HGS: variants seen among roughly 807,000 people sequenced by gnomAD.
HGS encodes the protein hepatocyte growth factor-regulated tyrosine kinase substrate.
HGS carries 63 observed loss-of-function variants against 109.7 expected under a neutral mutation model. That is an observed-to-expected ratio of 0.57 (90% CI 0.47 to 0.71). The LOEUF (loss-of-function observed/expected upper bound fraction) is 0.71, where lower values mean the gene tolerates loss of function less well. HGS is among the 30% of genes least tolerant of loss of function. HGS has a pLI of 0.00. For missense variants in HGS, 995 were observed against 1,068.3 expected (o/e 0.93, Z 0.96); for synonymous variants, 546 against 437.3 (o/e 1.25, Z -3.10).
In HGS at chr17:81,687,106, CGGG is replaced by C. The variant is rs778622563; in HGVS notation, c.291+14_291+16del. On this transcript the variant is annotated intron_variant, in intron 4 of 21. Transcript: ENST00000329138. Reference sequence around the variant, plus strand: ...AAGGACCTGCTGAAGGTGGGTGAGACGGGGGCATGCGGGTGGCCACCCAGGCTG... The same window carrying C: ...AAGGACCTGCTGAAGGTGGGTGAGACGGCATGCGGGTGGCCACCCAGGCTG... The C allele has an allele frequency of 3.1e-6, 5 of 1,600,324 alleles. No individual in the cohort carries two copies. The highest frequency in any genetic ancestry group is 3.4e-6 in the Non-Finnish European group (4 of 1,170,274).
intron 1 of HGS, chr17:81,684,877 A>C (rs1015695910): frequency 1.0e-6 from 1 of 982,118 alleles, no homozygotes; most frequent in African/African-American, 1.7e-5. Flanking sequence ...CAGACTGAGT[A>C]TCTCAGCCAC....
intron 18 of HGS, chr17:81,697,216 C>T: frequency 5.8e-6 from 3 of 521,476 alleles, no homozygotes; most frequent in Non-Finnish European, 1.0e-5. Flanking sequence ...GCCCTCTCCC[C>T]TGAATGCGAC....
At position 81,691,288 on chromosome 17, in the gene HGS, C is replaced by G. The variant is rs1410464474; in HGVS notation, c.538-159C>G. The G allele has an allele frequency of 1.2e-6, 1 of 825,298 alleles. No individual in the cohort carries two copies. The highest frequency in any genetic ancestry group is 1.7e-5 in the African/African-American group (1 of 59,058). The allele number at this position is 825,298 out of a possible 1,614,324, so 51.1% of individuals were successfully genotyped here. ...AGACTCCCGGGAGCATGTCCAGGTT[C>G]CCCGGCCTTAGGGTCTTCCCAGGCA... On this transcript the variant is annotated intron_variant, in intron 7 of 21. Coordinates refer to ENST00000329138, the MANE Select transcript of HGS (RefSeq NM_004712.5). The surrounding 1 kb of genome is among the most constrained non-coding windows in gnomAD (Gnocchi z 5.3).
chr17:81,696,263 G>C, intron 15 of HGS, 94 bp from the exon 16 acceptor site: 1 of 1,397,092 alleles, frequency 7.2e-7, no homozygotes, highest in African/African-American at 1.4e-5. Context: ...GCAGAAGGTT[G>C]GGCACAGGGC....
In HGS at chr17:81,691,278, T is replaced by C. The variant is rs529567601; in HGVS notation, c.538-169T>C. ...GCTGGCGTTGAGACTCCCGGGAGCA[T>C]GTCCAGGTTCCCCGGCCTTAGGGTC... is the stretch of plus-strand genomic sequence containing the variant. On this transcript the variant is annotated intron_variant, in intron 7 of 21. Transcript: ENST00000329138. The surrounding 1 kb of genome is among the most constrained non-coding windows in gnomAD (Gnocchi z 5.3). 6.9e-5 allele frequency: 52 copies of C among 753,662 alleles called. No homozygotes were observed. Among genetic ancestry groups the C allele is most frequent in the Admixed American group, 1.2e-4 (5 of 41,726 alleles). The allele number at this position is 753,662 out of a possible 1,614,324, so 46.7% of individuals were successfully genotyped here.
Position 81,690,048 on chromosome 17 carries a change from C to T in HGS, c.416-134C>T, listed in dbSNP as rs926113764. The stretch of plus-strand genomic sequence containing the variant: ...CCCAATCTTGGGGGCAGGAGGCTGT[C>T]TCGGTGCCCCCAGACACCTTCACTT... On this transcript the variant is annotated intron_variant, in intron 5 of 21. Transcript: ENST00000329138. 5.7e-6 allele frequency: 5 copies of T among 882,448 alleles called. No individual in the cohort carries two copies. The African/African-American group carries it at 8.5e-5, about 15-fold the overall frequency. The allele number at this position is 882,448 out of a possible 1,614,324, so 54.7% of individuals were successfully genotyped here. A position where few individuals can be genotyped will look rare whatever the true frequency, so the allele number is the denominator to read the frequency against.
At position 81,693,565 on chromosome 17, in the gene HGS, TGTCTCA is replaced by T; in HGVS notation, c.727_732del (p.Ser243_Gln244del). 6.2e-7 allele frequency: 1 copy of T among 1,610,238 alleles called. No individual in the cohort carries two copies. Among genetic ancestry groups the T allele is most frequent in the Non-Finnish European group, 8.5e-7 (1 of 1,177,626 alleles). On this transcript the variant is annotated inframe_deletion, in exon 9 of 22. Coordinates refer to ENST00000329138, the MANE Select transcript of HGS (RefSeq NM_004712.5). ...CCCCCCGAGTACCTGACCAGCCCCC[TGTCTCA>T]GCAGTCCCAGGTACTCAGCCCCCTC...
intron 7 of HGS, 55 bp downstream of exon 7, chr17:81,690,797 C>G: frequency 6.6e-7 from 1 of 1,511,258 alleles, no homozygotes; most frequent in South Asian, 1.2e-5. Flanking sequence ...GGTCCCCTGC[C>G]GTGCACAAGG....
At chr17:81,696,114 C>T (rs1302982099) in intron 15 of HGS, 115 bp downstream of exon 15, 19 of 1,003,458 alleles carry the variant, frequency 1.9e-5, no homozygotes, top group South Asian at 6.7e-5. Context: ...TCATTGGGGC[C>T]GTGGCTTCCT....
rs1423981106 is a variant in HGS at position 81,693,542 on chromosome 17, C to G, written c.702C>G (p.Pro234=). The change falls in exon 9 of 22, where the codon CCC becomes CCG. Residue 234 remains proline (P), a synonymous_variant. Transcript: ENST00000329138. ...AGGCCACTTCCACCACTGAGCTGCC[C>G]CCCGAGTACCTGACCAGCCCCCTGT... is the stretch of plus-strand genomic sequence containing the variant. The part of the protein sequence containing the change: ...EGKATSTTEL[P]PEYLTSPLSQ... 14 of 1,613,090 alleles carry G rather than the reference C, an allele frequency of 8.7e-6. No individual in the cohort carries two copies. Among genetic ancestry groups the G allele is most frequent in the African/African-American group, 1.3e-5 (1 of 74,878 alleles).
At chr17:81,687,136 C>T (rs760569945) in intron 4 of HGS, 41 bp downstream of exon 4, 117 of 1,409,866 alleles carry the variant, frequency 8.3e-5, no homozygotes, top group Non-Finnish European at 1.0e-4. Context: ...CCCAGGCTGG[C>T]ACCTTTGCTT....
intron 18 of HGS, among the ~76,000 whole-genome samples, chr17:81,698,820 A>G (rs1052086964): frequency 2.0e-5 from 3 of 152,162 alleles, no homozygotes; most frequent in Non-Finnish European, 4.4e-5. Context: ...TGTAATCCCA[A>G]CACTTTGGGA....
intron 5 of HGS, 64 bp from the exon 6 acceptor site, chr17:81,690,118 G>C: frequency 1.3e-6 from 2 of 1,551,840 alleles, no homozygotes; most frequent in Middle Eastern, 1.7e-4. Flanking sequence ...GAGTGAGGAA[G>C]GGGCTCCCGG....
At chr17:81,687,583 A>G (rs2036999399) in intron 4 of HGS, among the ~76,000 whole-genome samples, 1 of 152,176 alleles carries the variant, frequency 6.6e-6, no homozygotes, top group African/African-American at 2.4e-5. Flanking sequence ...TTGGAGAGCG[A>G]GGGCTTCATG....
chr17:81,686,354 C>A lies in HGS; in HGVS notation c.165C>A (p.Asp55Glu). 6.2e-7 allele frequency: 1 copy of A among 1,613,694 alleles called. No homozygotes were observed. The highest frequency in any genetic ancestry group is 8.5e-7 in the Non-Finnish European group (1 of 1,179,974). Residue 55 changes from aspartate (D) to glutamate (E), a missense_variant, in exon 3 of 22, where the codon GAC becomes GAA. Asp to Glu is a conservative substitution (Grantham distance 45, BLOSUM62 2). Around this residue, in one of 6 missense-constraint regions of HGS, gnomAD observed 182 missense variants for 261.3 expected, o/e 0.70. Coordinates refer to ENST00000329138, the MANE Select transcript of HGS (RefSeq NM_004712.5). ...ATTCCATCAAGAAGAAAGTCAACGA[C>A]AAGAACCCACACGTCGCCTTGTATG... ...AVNSIKKKVNDKNPHVALYAL... is the reference protein window; with the variant it reads ...AVNSIKKKVNEKNPHVALYAL...
chr17:81,699,731 C>CT (rs912470906), intron 18 of HGS, among the ~76,000 whole-genome samples: 18 of 151,768 alleles, frequency 1.2e-4, no homozygotes, highest in Admixed American at 2.0e-4. Context: ...GCCTATGTTC[C>CT]TTTTTTTTAG....
chr17:81,686,490 G>C, intron 3 of HGS, 103 bp downstream of exon 3: 1 of 790,662 alleles, frequency 1.3e-6, no homozygotes, highest in Non-Finnish European at 2.2e-6. Context: ...ACCTCCCTGG[G>C]CATACATCAA....
At position 81,696,804 on chromosome 17, in the gene HGS, G is replaced by T. The variant is rs368573708; in HGVS notation, c.1708-20G>T. ...TGTGGGCTGAGGACCAACTCTCACC[G>T]CTGTCTCTTTTGTCCCCAGCTCCAG... On this transcript the variant is annotated intron_variant, in intron 17 of 21. Coordinates refer to ENST00000329138, the MANE Select transcript of HGS (RefSeq NM_004712.5). The T allele has an allele frequency of 5.6e-6, 9 of 1,602,686 alleles. No individual in the cohort carries two copies. Among genetic ancestry groups the T allele is most frequent in the Non-Finnish European group, 6.8e-6 (8 of 1,172,832 alleles).
intron 18 of HGS, among the ~76,000 whole-genome samples, chr17:81,700,084 C>T (rs117902375): frequency 0.14 from 20,142 of 146,060 alleles, 1,805 homozygotes; most frequent in Admixed American, 0.26. Flanking sequence ...AAGTAAAACT[C>T]GGCCGGGCGC....
Sources: gnomAD v4.1 joint callset for allele counts (sites outside exome capture counted in the v4.1 genomes callset) on GRCh38, gnomAD v4.1.1 for gene constraint, gnomAD v4.1.1 regional missense constraint, Gnocchi (gnomAD v3.1) non-coding constraint, MANE v1.5 for transcripts, NCBI Gene and HGNC (gene_info 2026-07-23, HGNC 2026-07-21) for gene names.